The following RYR2 variants were observed in gnomAD, a reference collection of about 807,000 sequenced individuals.
RYR2 encodes the protein cardiac muscle ryanodine receptor-calcium release channel.
In RYR2, 227 loss-of-function variants were observed where a neutral mutation model predicts 601.1. The ratio of observed to expected loss-of-function variants is 0.38; its 90% CI spans 0.34 to 0.42. RYR2 has a LOEUF of 0.42. RYR2 is among the 10% of genes least tolerant of loss of function. The pLI, the probability that RYR2 is intolerant of heterozygous loss-of-function variation, is 1.00. For missense variants in RYR2, 4,646 were observed against 6,156.5 expected, an observed-to-expected ratio of 0.75 and a Z score of 8.21; for synonymous variants, 2,223 against 2,175.1, an observed-to-expected ratio of 1.02 and a Z score of -0.61.
At position 237,732,104 on chromosome 1, in the gene RYR2, A is replaced by G; in HGVS notation, c.10994A>G (p.His3665Arg). The change falls in exon 78 of 105, where the codon CAT (histidine) becomes CGT (arginine). Residue 3665 changes from histidine to arginine, a missense_variant. Around this residue, in one of 17 missense-constraint regions of RYR2, gnomAD observed 1,497 missense variants for 1,842.6 expected, o/e 0.81. Transcript: ENST00000366574. ...DEGTKRVDPL[H>R]QLILLFSRTA... ...GGCACTAAGAGAGTTGATCCTCTAC[A>G]TCAGCTGATCCTTCTGTTTAGTCGG... 1 of 1,612,168 alleles carries G rather than the reference A, an allele frequency of 6.2e-7. No individual in the cohort carries two copies. The highest frequency in any genetic ancestry group is 1.1e-5 in the South Asian group (1 of 90,896).
chr1:237,417,241 A>G lies in RYR2; in HGVS notation c.848+118A>G, dbSNP rs1003740808. ...CAGCAAGCAAGCGAACAAAGGAAAC[A>G]CCGAGAAAGTGGTGGACAGTTTCTC... On this transcript the variant is annotated intron_variant, in intron 11 of 104. Transcript: ENST00000366574. The G allele has an allele frequency of 3.9e-5, 28 of 717,582 alleles. No homozygotes were observed. In the African/African-American group the frequency reaches 5.0e-4, roughly 13 times the overall value. The allele number at this position is 717,582 out of a possible 1,614,324, so 44.5% of individuals were successfully genotyped here.
intron 17 of RYR2, among the ~76,000 whole-genome samples, chr1:237,488,606 A>C (rs762454498): frequency 2.6e-5 from 4 of 152,162 alleles, no homozygotes; most frequent in Non-Finnish European, 5.9e-5. Flanking sequence ...AAGATCCACA[A>C]AGGAAGTGAA....
chr1:237,319,876 C>T (rs1417125354), intron 2 of RYR2, among the ~76,000 whole-genome samples: 1 of 152,148 alleles, frequency 6.6e-6, no homozygotes, highest in South Asian at 2.1e-4. Context: ...TCTGTTGGAC[C>T]TCCCTGGGAT....
chr1:237,803,918 GTCT>G lies in RYR2; in HGVS notation c.14151+2006_14151+2008del, dbSNP rs1393217362. 3.9e-5 allele frequency among the ~76,000 whole-genome samples: 6 copies of G among 152,190 alleles called. No homozygotes were observed. The South Asian group carries it at 1.0e-3, about 26-fold the overall frequency. On this transcript the variant is annotated intron_variant, in intron 98 of 104. Transcript: ENST00000366574. ...ACCTCACCCTGGGGTTTGTCCAGTA[GTCT>G]TCTAATTTAATGGCTTTGCCACTTA... is the stretch of plus-strand genomic sequence containing the variant.
intron 35 of RYR2, among the ~76,000 whole-genome samples, chr1:237,605,369 A>G (rs372760410): frequency 6.6e-6 from 1 of 152,204 alleles, no homozygotes; most frequent in Non-Finnish European, 1.5e-5. Context: ...ACAAAATTCA[A>G]CAGCCCTTCA....
Position 237,832,327 on chromosome 1 carries a change from T to C in RYR2, c.14809-225T>C, listed in dbSNP as rs187824743. ...TCAGCCTCCCAAAATGCTGGGATTA[T>C]AGGCTTGAGCCAGTGTGCCCAGCCA... On this transcript the variant is annotated intron_variant, in intron 104 of 104. Transcript: ENST00000366574. Among the ~76,000 whole-genome samples the C allele has an allele frequency of 1.6e-4, 25 of 152,156 alleles. No individual in the cohort carries two copies. In the East Asian group the frequency reaches 4.5e-3, roughly 27 times the overall value.
At chr1:237,687,963 C>T (rs765671458) in intron 63 of RYR2, among the ~76,000 whole-genome samples, 3 of 152,110 alleles carry the variant, frequency 2.0e-5, no homozygotes, top group African/African-American at 7.2e-5. Flanking sequence ...ACGTCATAGT[C>T]AAGACACTGA....
chr1:237,787,882 G>C lies in RYR2; in HGVS notation c.13329-106G>C. 7 of 1,077,524 alleles carry C rather than the reference G, an allele frequency of 6.5e-6. No individual in the cohort carries two copies. The South Asian group carries it at 9.5e-5, about 15-fold the overall frequency. 66.7% of individuals were successfully genotyped at this position (1,077,524 alleles called of 1,614,324 possible). On this transcript the variant is annotated intron_variant, in intron 91 of 104. Coordinates refer to ENST00000366574, the MANE Select transcript of RYR2 (RefSeq NM_001035.3). Reference sequence around the variant, plus strand: ...CCGGAAAAGAAATTAGTTTTCAAAAGTAATATGATGGCCTAAAATATTTGT... The same window carrying C: ...CCGGAAAAGAAATTAGTTTTCAAAACTAATATGATGGCCTAAAATATTTGT...
intron 92 of RYR2, among the ~76,000 whole-genome samples, chr1:237,790,922 A>G (rs943994861): frequency 6.7e-6 from 1 of 149,520 alleles, no homozygotes; most frequent in African/African-American, 2.5e-5. Flanking sequence ...CCACCCCCAC[A>G]CATCAGTCTC....
At chr1:237,645,016 A>G (rs1437935481) in intron 48 of RYR2, among the ~76,000 whole-genome samples, 1 of 152,168 alleles carries the variant, frequency 6.6e-6, no homozygotes, top group Admixed American at 6.5e-5. Context: ...GCCTGAGTGA[A>G]AGAGCGAAAC....
At chr1:237,227,512 A>T (rs1480141422) in intron 1 of RYR2, among the ~76,000 whole-genome samples, 1 of 152,204 alleles carries the variant, frequency 6.6e-6, no homozygotes, top group East Asian at 1.9e-4. Flanking sequence ...CTGTTTCATC[A>T]TAACATCTAT....
chr1:237,355,515 A>C (rs1699218519), intron 3 of RYR2, among the ~76,000 whole-genome samples: 1 of 152,184 alleles, frequency 6.6e-6, no homozygotes, highest in Admixed American at 6.5e-5. Flanking sequence ...AAATGCTAGA[A>C]AGATTAGAGT....
intron 66 of RYR2, 61 bp from the exon 67 acceptor site, chr1:237,705,152 A>G (rs1281109468): frequency 7.5e-6 from 11 of 1,467,996 alleles, no homozygotes; most frequent in Non-Finnish European, 9.4e-6. Flanking sequence ...GCTAATTGTA[A>G]TATGACTTTT....
At chr1:237,817,394 G>T (rs912484964) in intron 100 of RYR2, among the ~76,000 whole-genome samples, 2 of 152,136 alleles carry the variant, frequency 1.3e-5, no homozygotes, top group Non-Finnish European at 2.9e-5. Context: ...GTGGGTTGAG[G>T]CAGTGAAGGC....
chr1:237,801,367 C>CAAAAAAAA (rs71162423), intron 97 of RYR2, among the ~76,000 whole-genome samples: 7 of 95,482 alleles, frequency 7.3e-5, no homozygotes, highest in South Asian at 7.3e-4. Context: ...CCCATCTCTA[C>CAAAAAAAA]AAAAAAAAAA....
chr1:237,450,723 T>G (rs1341055917), intron 14 of RYR2, among the ~76,000 whole-genome samples: 1 of 152,164 alleles, frequency 6.6e-6, no homozygotes, highest in Non-Finnish European at 1.5e-5. Flanking sequence ...TTAGCTATCC[T>G]CCTCATTACA....
intron 1 of RYR2, among the ~76,000 whole-genome samples, chr1:237,266,154 T>C (rs1384699436): frequency 6.6e-6 from 1 of 152,222 alleles, no homozygotes; most frequent in Non-Finnish European, 1.5e-5. Context: ...GCAAGACATA[T>C]GAATTACAAG....
rs5781947 is a variant in RYR2 at position 237,258,167 on chromosome 1, T to TA, written c.49-12313dup. ...TGGGTGACAAAAGTAAGACTCCATC[T>TA]AAAAAAAAAAAAAAAAAGAAAGAAA... is the stretch of plus-strand genomic sequence containing the variant. On this transcript the variant is annotated intron_variant, in intron 1 of 104. Coordinates refer to ENST00000366574, the MANE Select transcript of RYR2 (RefSeq NM_001035.3). 3.5e-3 allele frequency among the ~76,000 whole-genome samples: 382 copies of TA among 108,240 alleles called. 1 individual carries two copies. Among genetic ancestry groups the TA allele is most frequent in the African/African-American group, 8.4e-3 (199 of 23,612 alleles). 71.0% of individuals were successfully genotyped at this position (108,240 alleles called of 152,430 possible).
chr1:237,515,800 TCCTTCTCCTCCTCCTCCC>T (rs1666432059), intron 24 of RYR2, among the ~76,000 whole-genome samples: 10 of 147,196 alleles, frequency 6.8e-5, no homozygotes, highest in South Asian at 4.5e-4. Flanking sequence ...CCTCTTCTCC[TCCTTCTCCTCCTCCTCCC>T]TCTTCTCTTC....
Sources: gnomAD v4.1 joint callset for allele counts (sites outside exome capture counted in the v4.1 genomes callset) on GRCh38, gnomAD v4.1.1 for gene constraint, gnomAD v4.1.1 regional missense constraint, MANE v1.5 for transcripts, NCBI Gene and HGNC (gene_info 2026-07-23, HGNC 2026-07-21) for gene names.